The following PSME4 variants were observed in gnomAD, a reference collection of about 807,000 sequenced individuals.
PSME4 encodes proteasome activator complex subunit 4.
A neutral mutation model predicts 253.9 loss-of-function variants in PSME4; 89 were observed. The ratio of observed to expected loss-of-function variants is 0.35; its 90% CI spans 0.30 to 0.42. PSME4 has a LOEUF of 0.42. Ranked by LOEUF, PSME4 falls within the 10% of genes least tolerant of loss-of-function variation. The probability of loss-of-function intolerance (pLI) is 1.00; values close to 1 mark genes in which losing one functional copy is unlikely to be tolerated. For synonymous variants in PSME4, 851 were observed against 759.2 expected, an observed-to-expected ratio of 1.12 and a Z score of -1.99; for missense variants, 2,014 against 2,195.2, an observed-to-expected ratio of 0.92 and a Z score of 1.65.
intron 43 of PSME4, among the ~76,000 whole-genome samples, chr2:53,871,453 A>G (rs1211368002): frequency 6.6e-6 from 1 of 151,362 alleles, no homozygotes; most frequent in East Asian, 2.0e-4. Flanking sequence ...ATGGGGTTTC[A>G]CCATGTTAGC....
At chr2:53,938,927 CCTT>C (rs1669250662) in intron 4 of PSME4, among the ~76,000 whole-genome samples, 1 of 152,188 alleles carries the variant, frequency 6.6e-6, no homozygotes, top group Non-Finnish European at 1.5e-5. Context: ...GATCAATTCT[CCTT>C]CTTAAGTTTT....
chr2:53,920,119 T>C, intron 19 of PSME4, 74 bp downstream of exon 19: 9 of 1,277,958 alleles, frequency 7.0e-6, no homozygotes, highest in Admixed American at 2.4e-5. Flanking sequence ...ATACATGAGA[T>C]ATGCCACAGA....
At chr2:53,906,276 G>GTCT (rs1680656163) in intron 26 of PSME4, among the ~76,000 whole-genome samples, 1 of 152,082 alleles carries the variant, frequency 6.6e-6, no homozygotes, top group Admixed American at 6.6e-5. Flanking sequence ...CACTAGCACT[G>GTCT]TCTTCCAAAT....
intron 37 of PSME4, 79 bp from the exon 38 acceptor site, chr2:53,888,891 A>AATTTT (rs1219428282): frequency 8.3e-7 from 1 of 1,205,896 alleles, no homozygotes; most frequent in African/African-American, 1.5e-5. Context: ...TATTTAATTT[A>AATTTT]ATTTTATTTT....
intron 3 of PSME4, among the ~76,000 whole-genome samples, chr2:53,941,465 C>G (rs969359123): frequency 6.6e-6 from 1 of 151,818 alleles, no homozygotes; most frequent in Non-Finnish European, 1.5e-5. Flanking sequence ...TTCTATCCAA[C>G]TACGTTTAAA....
chr2:53,927,367 C>A (rs774097211), intron 12 of PSME4, 27 bp downstream of exon 12: 1 of 1,425,444 alleles, frequency 7.0e-7, no homozygotes, highest in South Asian at 1.2e-5. Context: ...ACATCTTAGC[C>A]CTTTTATAAC....
chr2:53,905,606 A>G (rs1032975756), intron 26 of PSME4, among the ~76,000 whole-genome samples: 4 of 152,114 alleles, frequency 2.6e-5, no homozygotes, highest in East Asian at 3.9e-4. Flanking sequence ...GGAGGCTGAG[A>G]TAAGACGATC....
chr2:53,897,907 A>G lies in PSME4; in HGVS notation c.3569T>C (p.Val1190Ala). ...AATTGCATCATGGTTGAGATTCTCA[A>G]CAAAAAACCGTATGGCACGAAGAGG... The part of the protein sequence containing the change: ...VLPLRAIRFF[V>A]ENLNHDAIVV... Residue 1190 changes from valine to alanine, a missense_variant, in exon 31 of 47, where the codon GTT (valine) becomes GCT (alanine). Transcript: ENST00000404125. 1 of 1,613,846 alleles carries G rather than the reference A, an allele frequency of 6.2e-7. No individual in the cohort carries two copies.
chr2:53,940,963 A>ACG (rs1558413872), intron 3 of PSME4, among the ~76,000 whole-genome samples: 2 of 54,522 alleles, frequency 3.7e-5, no homozygotes, highest in African/African-American at 1.1e-4. Flanking sequence ...ATATATATAT[A>ACG]TATATATATA....
chr2:53,933,060 G>A, intron 8 of PSME4: 1 of 232,484 alleles, frequency 4.3e-6, no homozygotes, highest in Non-Finnish European at 8.4e-6. Flanking sequence ...TAAATAACCT[G>A]GATACTAAAA....
At chr2:53,936,882 C>T in intron 5 of PSME4, 55 bp from the exon 6 acceptor site, 2 of 1,204,782 alleles carry the variant, frequency 1.7e-6, no homozygotes, top group Non-Finnish European at 2.4e-6. Context: ...TGGTTCAATG[C>T]CAGCTATGCT....
At chr2:53,880,443 A>T (rs1679330636) in intron 41 of PSME4, among the ~76,000 whole-genome samples, 1 of 152,178 alleles carries the variant, frequency 6.6e-6, no homozygotes, top group Non-Finnish European at 1.5e-5. Flanking sequence ...AAAAAAATGC[A>T]GATACATCTC....
intron 1 of PSME4, among the ~76,000 whole-genome samples, chr2:53,960,844 A>G (rs1573381249): frequency 6.6e-6 from 1 of 152,316 alleles, no homozygotes; most frequent in East Asian, 1.9e-4. Flanking sequence ...GCGGTGGCTC[A>G]TACCTGTAAT....
intron 16 of PSME4, 148 bp from the exon 17 acceptor site, chr2:53,922,732 G>T: frequency 2.8e-6 from 3 of 1,066,002 alleles, no homozygotes; most frequent in South Asian, 3.7e-5. Context: ...AGCTGAGCTT[G>T]TTCCAAAAGG....
chr2:53,932,806 T>A (rs1668903821), intron 8 of PSME4, 46 bp from the exon 9 acceptor site: 2 of 1,477,422 alleles, frequency 1.4e-6, no homozygotes, highest in African/African-American at 1.4e-5. Flanking sequence ...CATCATACTG[T>A]AAAAACAGAG....
intron 44 of PSME4, 131 bp downstream of exon 44, chr2:53,869,245 G>A: frequency 1.1e-6 from 1 of 928,094 alleles, no homozygotes; most frequent in Non-Finnish European, 1.5e-6. Context: ...CTCAAAAGTA[G>A]GGAAAACTTT....
At chr2:53,898,166 C>T in intron 30 of PSME4, 135 bp downstream of exon 30, 1 of 1,178,504 alleles carries the variant, frequency 8.5e-7, no homozygotes, top group Non-Finnish European at 1.2e-6. Context: ...ATCTCTTTTC[C>T]TCTTAATCTG....
At chr2:53,897,827 C>T (rs766226982) in intron 31 of PSME4, 43 bp downstream of exon 31, 1 of 1,587,400 alleles carries the variant, frequency 6.3e-7, no homozygotes, top group Admixed American at 1.7e-5. Context: ...AGGTCACGTA[C>T]ATATTCTCAA....
intron 20 of PSME4, among the ~76,000 whole-genome samples, chr2:53,915,176 C>T (rs1236834016): frequency 6.6e-6 from 1 of 152,144 alleles, no homozygotes; most frequent in Non-Finnish European, 1.5e-5. Context: ...GTGGTTCATG[C>T]CTGCCAGTAA....
Sources: gnomAD v4.1 joint callset for allele counts (sites outside exome capture counted in the v4.1 genomes callset) on GRCh38, gnomAD v4.1.1 for gene constraint, MANE v1.5 for transcripts, NCBI Gene and HGNC (gene_info 2026-07-23, HGNC 2026-07-21) for gene names.